Variants in UBN2 observed in about 807,000 individuals in gnomAD.
The protein encoded by UBN2 is ubinuclein-2.
UBN2 carries 35 observed loss-of-function variants against 120.2 expected under a neutral mutation model. The observed-to-expected ratio is 0.29, with a 90% CI of 0.22 to 0.39. UBN2 has a LOEUF of 0.39. Ranked by LOEUF, UBN2 falls within the 10% of genes least tolerant of loss-of-function variation. UBN2 has a pLI of 1.00. For missense variants in UBN2, 1,693 were observed against 1,663.2 expected (o/e 1.02, Z -0.31); for synonymous variants, 661 against 648.7 (o/e 1.02, Z -0.29).
At chr7:139,276,005 C>A in intron 11 of UBN2, 92 bp from the exon 12 acceptor site, 1 of 954,190 alleles carries the variant, frequency 1.0e-6, no homozygotes, top group Non-Finnish European at 1.6e-6. Context: ...CAGTAATAGT[C>A]TACTGAAAAT....
downstream of UBN2, among the ~76,000 whole-genome samples, chr7:139,313,212 A>G (rs751260566): frequency 6.6e-6 from 1 of 152,182 alleles, no homozygotes; most frequent in Non-Finnish European, 1.5e-5. Flanking sequence ...TTAAATTCAC[A>G]TTCTTTGGGG....
At position 139,261,247 on chromosome 7, in the gene UBN2, C is replaced by T; in HGVS notation, c.906-5C>T. 6.3e-7 allele frequency: 1 copy of T among 1,592,864 alleles called. No individual in the cohort carries two copies. The highest frequency in any genetic ancestry group is 8.5e-7 in the Non-Finnish European group (1 of 1,172,312). On this transcript the variant is annotated splice_region_variant and splice_polypyrimidine_tract_variant and intron_variant, in intron 5 of 17. Coordinates refer to ENST00000473989, the MANE Select transcript of UBN2 (RefSeq NM_173569.4). ...TAGCCTAACTGATCATTTTTGTCTT[C>T]ACAGAGTTGTGGCTCTAAATTCACA...
the UBN2 span, among the ~76,000 whole-genome samples, chr7:139,326,514 C>G: frequency 6.6e-6 from 1 of 152,208 alleles, no homozygotes; most frequent in Non-Finnish European, 1.5e-5. Context: ...TCATTATCTG[C>G]CCACCTCTCG....
Position 139,266,418 on chromosome 7 carries a change from T to TA in UBN2, c.1466+15_1466+16insA. 1.3e-5 allele frequency: 18 copies of TA among 1,414,122 alleles called. No individual in the cohort carries two copies. The highest frequency in any genetic ancestry group is 2.5e-5 in the South Asian group (2 of 79,806). The allele number at this position is 1,414,122 out of a possible 1,614,324, so 87.6% of individuals were successfully genotyped here. On this transcript the variant is annotated intron_variant, in intron 7 of 17. Coordinates refer to ENST00000473989, the MANE Select transcript of UBN2 (RefSeq NM_173569.4). ...ATTCTTCTGGAGTAAGTAATTTTCT[T>TA]TAAAAAAAAAAACCTTAAGAATGAT... is the stretch of plus-strand genomic sequence containing the variant.
the UBN2 span, among the ~76,000 whole-genome samples, chr7:139,313,298 A>T: frequency 1.3e-5 from 2 of 152,164 alleles, no homozygotes; most frequent in Admixed American, 6.5e-5. Flanking sequence ...TAAAGCTTTT[A>T]AAACTTCTCT....
At chr7:139,287,842 A>G (rs773729341) in intron 15 of UBN2, among the ~76,000 whole-genome samples, 24 of 143,978 alleles carry the variant, frequency 1.7e-4, no homozygotes, top group Non-Finnish European at 2.8e-4. Context: ...GCTCTCCAAC[A>G]CTGAAAACAG....
At chr7:139,260,191 TG>T (rs1796888270) in intron 5 of UBN2, among the ~76,000 whole-genome samples, 3 of 152,204 alleles carry the variant, frequency 2.0e-5, no homozygotes, top group Admixed American at 2.0e-4. Context: ...CTCAACCTCC[TG>T]GGATCAAGGG....
At chr7:139,235,458 C>T (rs1050544900) in intron 1 of UBN2, among the ~76,000 whole-genome samples, 1 of 152,040 alleles carries the variant, frequency 6.6e-6, no homozygotes, top group African/African-American at 2.4e-5. Flanking sequence ...AGTGCAGTGG[C>T]GCAATCTCAG....
chr7:139,239,144 T>A (rs1208509770), intron 2 of UBN2, among the ~76,000 whole-genome samples: 1 of 152,228 alleles, frequency 6.6e-6, no homozygotes, highest in Non-Finnish European at 1.5e-5. Context: ...TACATCTCTA[T>A]ACATACACAT....
At position 139,269,502 on chromosome 7, in the gene UBN2, G is replaced by A. The variant is rs1563215671; in HGVS notation, c.1575G>A (p.Lys525=). 1.2e-6 allele frequency: 2 copies of A among 1,614,080 alleles called. No homozygotes were observed. Among genetic ancestry groups the A allele is most frequent in the African/African-American group, 2.7e-5 (2 of 75,034 alleles). Residue 525 remains lysine, a synonymous_variant, in exon 8 of 18, where the codon AAG becomes AAA. Transcript: ENST00000473989. ...CNKETLVKRL[K]KLHLNVQDDR... ...AAGAAACACTAGTAAAACGTCTGAA[G>A]AAGTTACATCTCAATGTCCAGGTAA...
intron 12 of UBN2, among the ~76,000 whole-genome samples, chr7:139,277,886 T>C (rs1797491018): frequency 6.6e-6 from 1 of 152,154 alleles, no homozygotes; most frequent in African/African-American, 2.4e-5. Flanking sequence ...GATTTTAGTT[T>C]ACAAATTAGG....
chr7:139,274,398 A>T (rs1797380232), intron 11 of UBN2, among the ~76,000 whole-genome samples: 1 of 152,200 alleles, frequency 6.6e-6, no homozygotes, highest in South Asian at 2.1e-4. Context: ...TAGGGGTAAC[A>T]TGAAGATGAG....
At chr7:139,274,212 A>G (rs1192839215) in intron 11 of UBN2, 138 bp downstream of exon 11, 2 of 830,630 alleles carry the variant, frequency 2.4e-6, no homozygotes, top group African/African-American at 1.8e-5. Flanking sequence ...GTCATCTCAG[A>G]TGATCCTTGC....
At chr7:139,232,355 T>G (rs1235010008) in intron 1 of UBN2, among the ~76,000 whole-genome samples, 1 of 152,250 alleles carries the variant, frequency 6.6e-6, no homozygotes, top group East Asian at 1.9e-4. Flanking sequence ...AGAGAAAACC[T>G]TGGGGGACAC....
Position 139,279,341 on chromosome 7 carries a change from C to T in UBN2, c.2048C>T (p.Ala683Val). The change falls in exon 13 of 18, where the codon GCA becomes GTA. Residue 683 changes from alanine (A) to valine (V), a missense_variant. This residue lies in a region of UBN2 where 837 missense variants were observed against 817.6 expected (regional missense o/e 1.02). Transcript: ENST00000473989. The part of the protein sequence containing the change: ...SAPAKKKVIP[A>V]PKPKVKEVMV... ...AGGGCAAAGAAAAAGGTGATTCCTG[C>T]ACCTAAACCCAAAGTAAAGGTAAGT... is the stretch of plus-strand genomic sequence containing the variant. 1 of 1,607,308 alleles carries T rather than the reference C, an allele frequency of 6.2e-7. No individual in the cohort carries two copies. Among genetic ancestry groups the T allele is most frequent in the Non-Finnish European group, 8.5e-7 (1 of 1,177,788 alleles).
chr7:139,288,014 C>CT (rs755046211), intron 15 of UBN2, among the ~76,000 whole-genome samples: 131 of 152,202 alleles, frequency 8.6e-4, no homozygotes, highest in Non-Finnish European at 1.0e-3. Context: ...TGTTTAATAA[C>CT]TTTCCACACA....
intron 11 of UBN2, 117 bp downstream of exon 11, chr7:139,274,191 C>T (rs1247376064): frequency 2.9e-6 from 3 of 1,039,806 alleles, no homozygotes; most frequent in Non-Finnish European, 4.0e-6. Context: ...ATATATTCAG[C>T]ATGCTGTCTA....
chr7:139,288,161 T>C (rs1294040772), intron 15 of UBN2, among the ~76,000 whole-genome samples: 2 of 152,198 alleles, frequency 1.3e-5, no homozygotes, highest in Non-Finnish European at 2.9e-5. Flanking sequence ...GGCACTCTTC[T>C]AGGTGCTGGG....
At chr7:139,276,288 A>C (rs1312807825) in intron 12 of UBN2, 141 bp downstream of exon 12, 8 of 776,890 alleles carry the variant, frequency 1.0e-5, no homozygotes, top group Non-Finnish European at 1.7e-5. Context: ...TTCAGAACAC[A>C]TTTATCTATT....
Sources: gnomAD v4.1 joint callset for allele counts (sites outside exome capture counted in the v4.1 genomes callset) on GRCh38, gnomAD v4.1.1 for gene constraint, gnomAD v4.1.1 regional missense constraint, MANE v1.5 for transcripts, NCBI Gene and HGNC (gene_info 2026-07-23, HGNC 2026-07-21) for gene names.